Variants in N4BP2L1 observed in about 807,000 individuals in gnomAD.
N4BP2L1 encodes the protein NEDD4-binding protein 2-like 1.
Under a neutral mutation model 21.2 loss-of-function variants are expected in N4BP2L1, and 12 were observed. The ratio of observed to expected loss-of-function variants is 0.57; its 90% CI spans 0.36 to 0.92. N4BP2L1 has a LOEUF of 0.92. Among genes scored for constraint, N4BP2L1 ranks in the 40% least tolerant of loss-of-function variants. N4BP2L1 has a pLI of 0.01. For synonymous variants in N4BP2L1, 104 were observed against 112.8 expected, an observed-to-expected ratio of 0.92 and a Z score of 0.49; for missense variants, 259 against 310.6, an observed-to-expected ratio of 0.83 and a Z score of 1.25.
chr13:32,403,293 C>G, intron 4 of N4BP2L1, 93 bp from the exon 5 acceptor site: 1 of 1,333,242 alleles, frequency 7.5e-7, no homozygotes, highest in Non-Finnish European at 1.0e-6. Flanking sequence ...ATATTGCAGT[C>G]CCTGTTCTCA....
At position 32,402,416 on chromosome 13, in the gene N4BP2L1, C is replaced by T. The variant is rs2073184748; in HGVS notation, c.*526G>A. Reference sequence around the variant, plus strand: ...GTTCCCTTAGATGTATGCTTTCTGGCATATTAACATTAAAGGAAAATCAGT... The same window carrying T: ...GTTCCCTTAGATGTATGCTTTCTGGTATATTAACATTAAAGGAAAATCAGT... On this transcript the variant is annotated 3_prime_UTR_variant, in exon 5 of 5. Coordinates refer to ENST00000380130, the MANE Select transcript of N4BP2L1 (RefSeq NM_052818.3). The T allele has an allele frequency of 1.2e-6, 1 of 868,316 alleles. No individual in the cohort carries two copies. The highest frequency in any genetic ancestry group is 1.4e-6 in the Non-Finnish European group (1 of 723,380). The allele number at this position is 868,316 out of a possible 1,614,324, so 53.8% of individuals were successfully genotyped here.
chr13:32,401,709 AAAG>A lies in N4BP2L1; in HGVS notation c.*1230_*1232del, dbSNP rs1161467053. On this transcript the variant is annotated 3_prime_UTR_variant, in exon 5 of 5. Coordinates refer to ENST00000380130, the MANE Select transcript of N4BP2L1 (RefSeq NM_052818.3). ...AAATTTTTTTATTGTTGAACCAAAA[AAAG>A]ATCCAATGACAAATCCATATAAATG... The A allele has an allele frequency of 6.8e-5, 11 of 162,260 alleles. No individual in the cohort carries two copies. The highest frequency in any genetic ancestry group is 1.3e-4 in the Non-Finnish European group (10 of 76,852). The allele number at this position is 162,260 out of a possible 1,614,324, so 10.1% of individuals were successfully genotyped here.
chr13:32,415,796 A>T (rs1323467222), intron 1 of N4BP2L1, among the ~76,000 whole-genome samples: 1 of 152,192 alleles, frequency 6.6e-6, no homozygotes, highest in Non-Finnish European at 1.5e-5. Flanking sequence ...AATCATGAAC[A>T]TTTTCTCATA....
chr13:32,407,837 T>A, intron 1 of N4BP2L1, 65 bp from the exon 2 acceptor site: 1 of 1,472,050 alleles, frequency 6.8e-7, no homozygotes, highest in Non-Finnish European at 9.1e-7. Context: ...GTAGAAATAA[T>A]CTCCTTCCAT....
At chr13:32,421,085 T>A (rs899776721) in intron 1 of N4BP2L1, among the ~76,000 whole-genome samples, 2 of 152,202 alleles carry the variant, frequency 1.3e-5, no homozygotes, top group African/African-American at 4.8e-5. Flanking sequence ...AGCTTCCACA[T>A]CTTAGGAGGC....
chr13:32,403,184 C>T lies in N4BP2L1; in HGVS notation c.490G>A (p.Val164Ile). The change falls in exon 5 of 5, where the codon GTC becomes ATC. Residue 164 changes from valine to isoleucine, a missense_variant. Val to Ile is a conservative substitution (Grantham distance 29, BLOSUM62 3). This residue lies in a region of N4BP2L1 where 108 missense variants were observed against 107.8 expected (regional missense o/e 1.00). Coordinates refer to ENST00000380130, the MANE Select transcript of N4BP2L1 (RefSeq NM_052818.3). ...ATTCGGTGGATTTTTTCTCTTGAGA[C>T]ACCATGAATGTTTCTTCTACATGGA... is the stretch of plus-strand genomic sequence containing the variant. ...QELARRNIHG[V>I]SREKIHRMKE... The T allele has an allele frequency of 6.2e-7, 1 of 1,605,038 alleles. No individual in the cohort carries two copies. Among genetic ancestry groups the T allele is most frequent in the Non-Finnish European group, 8.5e-7 (1 of 1,174,534 alleles).
In N4BP2L1 at chr13:32,401,098, A is replaced by G. The variant is rs1485238913; in HGVS notation, c.*1844T>C. ...CCAAGTGAGCCAAAAACCCTAAAGC[A>G]GGGAGCCAGCCAAGTCAGGAGGGCT... On this transcript the variant is annotated 3_prime_UTR_variant, in exon 5 of 5. Coordinates refer to ENST00000380130, the MANE Select transcript of N4BP2L1 (RefSeq NM_052818.3). 1 of 152,198 alleles carries G rather than the reference A, an allele frequency of 6.6e-6. No homozygotes were observed. The highest frequency in any genetic ancestry group is 1.5e-5 in the Non-Finnish European group (1 of 68,048). The allele number at this position is 152,198 out of a possible 1,614,324, so 9.4% of individuals were successfully genotyped here.
At chr13:32,409,026 T>C (rs921428019) in intron 1 of N4BP2L1, among the ~76,000 whole-genome samples, 2 of 152,216 alleles carry the variant, frequency 1.3e-5, no homozygotes, top group Admixed American at 6.5e-5. Flanking sequence ...AAACATTTTG[T>C]ACCCAGTAAG....
At chr13:32,419,432 TTTTTTTTTTTTTTTTGTA>T in intron 1 of N4BP2L1, 1 of 157,844 alleles carries the variant, frequency 6.3e-6, no homozygotes, top group East Asian at 4.4e-4. Flanking sequence ...TTTTTTTTTT[TTTTTTTTTTTTTTTTGTA>T]TTTTACAGAC....
chr13:32,410,610 A>T (rs147674149), intron 1 of N4BP2L1, among the ~76,000 whole-genome samples: 9 of 152,314 alleles, frequency 5.9e-5, no homozygotes, highest in African/African-American at 2.2e-4. Flanking sequence ...TCCAAACCTT[A>T]ACCTCTGATG....
rs138056530 is a variant in N4BP2L1 at position 32,426,947 on chromosome 13, C to A, written c.179+957G>T. Among the ~76,000 whole-genome samples, 1,422 of 152,126 alleles carry A rather than the reference C, an allele frequency of 9.3e-3. 28 individuals are homozygous for A. The highest frequency in any genetic ancestry group is 0.046 in the Admixed American group (703 of 15,298). On this transcript the variant is annotated intron_variant, in intron 1 of 4. Coordinates refer to ENST00000380130, the MANE Select transcript of N4BP2L1 (RefSeq NM_052818.3). ...CCCGGTCTTAAAAGGCAAAAGAAGG[C>A]GGGAGGGCAAGCCAGGCAGGAAGGC...
intron 1 of N4BP2L1, among the ~76,000 whole-genome samples, chr13:32,408,224 C>A (rs2073645098): frequency 6.6e-6 from 1 of 152,210 alleles, no homozygotes; most frequent in African/African-American, 2.4e-5. Context: ...AAACTCTGAG[C>A]TGGCCCATTT....
At chr13:32,406,401 T>C (rs1335284072) in intron 3 of N4BP2L1, 1 of 152,244 alleles carries the variant, frequency 6.6e-6, no homozygotes, top group African/African-American at 2.4e-5. Flanking sequence ...GAGTTGTTTT[T>C]ATTTATATTT....
rs1158793584 is a variant in N4BP2L1 at position 32,403,215 on chromosome 13, A to C, written c.474-15T>G. On this transcript the variant is annotated splice_polypyrimidine_tract_variant and intron_variant, in intron 4 of 4. Transcript: ENST00000380130. Reference sequence around the variant, plus strand: ...GAATGTTTCTTCTACATGGAAAAAAAATGCATTTAGTTAAGGCAGGATACC... The same window carrying C: ...GAATGTTTCTTCTACATGGAAAAAACATGCATTTAGTTAAGGCAGGATACC... The C allele has an allele frequency of 3.2e-6, 5 of 1,577,808 alleles. No homozygotes were observed. Among genetic ancestry groups the C allele is most frequent in the Non-Finnish European group, 3.4e-6 (4 of 1,162,108 alleles).
rs773292799 is a variant in N4BP2L1, at chr13:32,428,085, G to T, written c.-3C>A. ...GATTGAAGGAAACTGTCCTCCATGG[G>T]CAGGAGGGCTGGCTGCGAGAGCCCC... is the stretch of plus-strand genomic sequence containing the variant. On this transcript the variant is annotated 5_prime_UTR_variant, in exon 1 of 5. Transcript: ENST00000380130. 3.4e-6 allele frequency: 5 copies of T among 1,456,336 alleles called. No homozygotes were observed. The South Asian group carries it at 7.2e-5, about 21-fold the overall frequency. 90.2% of individuals were successfully genotyped at this position (1,456,336 alleles called of 1,614,324 possible).
chr13:32,411,620 G>T, intron 1 of N4BP2L1: 1 of 985,016 alleles, frequency 1.0e-6, no homozygotes, highest in Non-Finnish European at 1.2e-6. Flanking sequence ...TTGAGAGAAT[G>T]AAAATAAAAG....
At chr13:32,415,998 T>G (rs1555296170) in intron 1 of N4BP2L1, 1 of 152,238 alleles carries the variant, frequency 6.6e-6, no homozygotes, top group Non-Finnish European at 1.5e-5. Context: ...ATCTTTGTTT[T>G]GTTCACTGAT....
intron 1 of N4BP2L1, chr13:32,425,545 T>TA (rs34882710): frequency 0.27 from 40,706 of 152,130 alleles, 5,967 homozygotes; most frequent in South Asian, 0.4. Flanking sequence ...TATAGCACTT[T>TA]AAGTTTAAAA....
intron 1 of N4BP2L1, among the ~76,000 whole-genome samples, chr13:32,408,394 G>A (rs967186071): frequency 3.9e-5 from 6 of 152,160 alleles, no homozygotes; most frequent in Non-Finnish European, 8.8e-5. Flanking sequence ...GAAGGAAAGC[G>A]ACAGAGCCAC....
Sources: gnomAD v4.1 joint callset for allele counts (sites outside exome capture counted in the v4.1 genomes callset) on GRCh38, gnomAD v4.1.1 for gene constraint, gnomAD v4.1.1 regional missense constraint, MANE v1.5 for transcripts, NCBI Gene and HGNC (gene_info 2026-07-23, HGNC 2026-07-21) for gene names.